The following CTNND2 variants were observed in gnomAD, a reference collection of about 807,000 sequenced individuals.
The protein encoded by CTNND2 is catenin delta-2.
A neutral mutation model predicts 144.4 loss-of-function variants in CTNND2; 22 were observed. That is an observed-to-expected ratio of 0.15 (90% confidence interval 0.11 to 0.22). The LOEUF (loss-of-function observed/expected upper bound fraction) is 0.22. Ranked by LOEUF, CTNND2 falls within the 10% of genes least tolerant of loss-of-function variation. The pLI is 1.00. For missense variants in CTNND2, 1,353 were observed against 1,618.8 expected, an observed-to-expected ratio of 0.84 and a Z score of 2.82; for synonymous variants, 751 against 695.6, an observed-to-expected ratio of 1.08 and a Z score of -1.25.
At chr5:11,426,963 A>G (rs1400668534) in intron 3 of CTNND2, among the ~76,000 whole-genome samples, 1 of 152,208 alleles carries the variant, frequency 6.6e-6, no homozygotes, top group Non-Finnish European at 1.5e-5. Flanking sequence ...GGTTTTGCAC[A>G]GTGTTTCTCC....
Position 11,191,670 on chromosome 5 carries a change from G to A in CTNND2, c.1975+7778C>T, listed in dbSNP as rs192021680. Among the ~76,000 whole-genome samples the A allele has an allele frequency of 6.6e-5, 10 of 152,292 alleles. No homozygotes were observed. In the East Asian group the frequency reaches 1.9e-3, roughly 29 times the overall value. On this transcript the variant is annotated intron_variant, in intron 11 of 21. Transcript: ENST00000304623. ...GCTGCAGTGTGTGCACGTACCCCCTGCTGCTGCTCCACCTTTTAGGCCACA... is the reference window on the plus strand; with the variant it reads ...GCTGCAGTGTGTGCACGTACCCCCTACTGCTGCTCCACCTTTTAGGCCACA...
At chr5:11,296,669 T>C (rs564463250) in intron 9 of CTNND2, among the ~76,000 whole-genome samples, 20 of 152,318 alleles carry the variant, frequency 1.3e-4, no homozygotes, top group African/African-American at 4.6e-4. Context: ...AATGATGAGT[T>C]CATGTCCTTT....
At chr5:11,421,199 A>C (rs1762335445) in intron 3 of CTNND2, among the ~76,000 whole-genome samples, 1 of 152,192 alleles carries the variant, frequency 6.6e-6, no homozygotes, top group Admixed American at 6.5e-5. Context: ...CAACTGGAGG[A>C]AACCATAAAA....
At chr5:11,692,286 A>T (rs11948905) in intron 2 of CTNND2, among the ~76,000 whole-genome samples, 20,211 of 152,010 alleles carry the variant, frequency 0.13, 4,398 homozygotes, top group African/African-American at 0.46. Context: ...ACAAAAAAAA[A>T]TTTTAAAAAG....
chr5:11,450,522 G>C (rs1203198652), intron 3 of CTNND2, among the ~76,000 whole-genome samples: 3 of 152,212 alleles, frequency 2.0e-5, no homozygotes, highest in Admixed American at 2.0e-4. Context: ...CTAATACTCA[G>C]TGCACAGCAC....
At chr5:11,301,523 G>T (rs1749607991) in intron 9 of CTNND2, among the ~76,000 whole-genome samples, 1 of 152,154 alleles carries the variant, frequency 6.6e-6, no homozygotes, top group African/African-American at 2.4e-5. Context: ...CGTTTTTGGA[G>T]AACTTCATCA....
intron 6 of CTNND2, among the ~76,000 whole-genome samples, chr5:11,391,002 G>C (rs61749826): frequency 0.18 from 28,021 of 151,688 alleles, 2,994 homozygotes; most frequent in Non-Finnish European, 0.25. Context: ...GGGCCACAGA[G>C]GAGTCAAAAT....
chr5:11,365,706 C>T (rs1341209272), intron 7 of CTNND2, among the ~76,000 whole-genome samples: 1 of 152,184 alleles, frequency 6.6e-6, no homozygotes, highest in Non-Finnish European at 1.5e-5. Flanking sequence ...AGCCTCTGTA[C>T]ATCAGGAAAT....
chr5:11,448,637 G>GC (rs1765048887), intron 3 of CTNND2, among the ~76,000 whole-genome samples: 2 of 152,080 alleles, frequency 1.3e-5, no homozygotes, highest in African/African-American at 4.8e-5. Context: ...TTAAGGTATT[G>GC]AAAATGTTTG....
chr5:11,657,327 C>A (rs1316233410), intron 2 of CTNND2, among the ~76,000 whole-genome samples: 1 of 151,972 alleles, frequency 6.6e-6, no homozygotes, highest in Non-Finnish European at 1.5e-5. Context: ...TAAGTCTAAA[C>A]CAGCTTTTCC....
At chr5:11,467,256 C>T (rs1561436476) in intron 3 of CTNND2, among the ~76,000 whole-genome samples, 3 of 152,226 alleles carry the variant, frequency 2.0e-5, no homozygotes, top group South Asian at 2.1e-4. Flanking sequence ...CGACCCCAGG[C>T]GTGATGGGCA....
At chr5:11,784,000 G>A (rs910390273) in intron 1 of CTNND2, among the ~76,000 whole-genome samples, 22 of 152,178 alleles carry the variant, frequency 1.4e-4, no homozygotes, top group African/African-American at 4.8e-4. Flanking sequence ...ACCCAGCCAC[G>A]TTCAGTAGAT....
intron 2 of CTNND2, among the ~76,000 whole-genome samples, chr5:11,672,818 T>A (rs1290539106): frequency 6.6e-6 from 1 of 152,054 alleles, no homozygotes; most frequent in African/African-American, 2.4e-5. Flanking sequence ...GTTCCGTTCC[T>A]CCCAGTACAG....
At chr5:11,518,307 T>C (rs1176195273) in intron 3 of CTNND2, among the ~76,000 whole-genome samples, 4 of 151,792 alleles carry the variant, frequency 2.6e-5, no homozygotes, top group African/African-American at 7.3e-5. Flanking sequence ...AGAATAATGA[T>C]AGAAATATTT....
At chr5:11,877,562 C>T (rs566299349) in intron 1 of CTNND2, among the ~76,000 whole-genome samples, 9 of 152,166 alleles carry the variant, frequency 5.9e-5, no homozygotes, top group African/African-American at 2.2e-4. Context: ...AGCTGTGTTA[C>T]CAATATTTGA....
intron 3 of CTNND2, among the ~76,000 whole-genome samples, chr5:11,462,141 G>A (rs1766275943): frequency 6.6e-6 from 1 of 152,066 alleles, no homozygotes; most frequent in Admixed American, 6.5e-5. Context: ...ATAATCCAGG[G>A]ATATCTAAAC....
At chr5:11,595,954 C>A (rs1779483658) in intron 2 of CTNND2, among the ~76,000 whole-genome samples, 1 of 152,156 alleles carries the variant, frequency 6.6e-6, no homozygotes, top group South Asian at 2.1e-4. Flanking sequence ...ATATTCTTTC[C>A]AAATAATATC....
chr5:11,723,710 G>A (rs10059690), intron 2 of CTNND2, among the ~76,000 whole-genome samples: 7,932 of 152,212 alleles, frequency 0.052, 640 homozygotes, highest in African/African-American at 0.18. Context: ...AGTAAGGAGG[G>A]GAGACAAGGC....
chr5:11,351,100 A>G (rs961763883), intron 8 of CTNND2, among the ~76,000 whole-genome samples: 1 of 152,190 alleles, frequency 6.6e-6, no homozygotes, highest in Non-Finnish European at 1.5e-5. Flanking sequence ...GGATAAATTA[A>G]TATCAGTCAC....
Sources: allele counts gnomAD v4.1 joint callset (sites outside exome capture counted in the v4.1 genomes callset), GRCh38; gene constraint gnomAD v4.1.1; transcripts MANE v1.5; gene names NCBI Gene and HGNC (gene_info 2026-07-23, HGNC 2026-07-21).